Variants in HOGA1 observed in about 807,000 individuals in gnomAD.
HOGA1 encodes the protein 4-hydroxy-2-oxoglutarate aldolase 1, also known as 4-hydroxy-2-oxoglutarate aldolase, mitochondrial.
A neutral mutation model predicts 34.3 loss-of-function variants in HOGA1; 30 were observed. The ratio of observed to expected loss-of-function variants is 0.87; its 90% CI spans 0.65 to 1.19. HOGA1 has a LOEUF of 1.19. Among genes scored for constraint, HOGA1 ranks in the 50% most tolerant of loss-of-function variants. HOGA1 has a pLI of 0.00. For synonymous variants in HOGA1, 161 were observed against 174.0 expected (o/e 0.93, Z 0.59); for missense variants, 417 against 436.5 (o/e 0.96, Z 0.40).
intron 6 of HOGA1, among the ~76,000 whole-genome samples, chr10:97,607,110 A>AAC (rs2041163434): frequency 6.6e-6 from 1 of 150,984 alleles, no homozygotes; most frequent in South Asian, 2.1e-4. Flanking sequence ...TCTCTTAAAA[A>AAC]AAAAAAAAAA....
intron 4 of HOGA1, 29 bp downstream of exon 4, chr10:97,599,843 T>A (rs1318530399): frequency 1.2e-6 from 2 of 1,613,852 alleles, no homozygotes; most frequent in South Asian, 2.2e-5. Context: ...GGGGCTGGGG[T>A]CCTCTCCTCC....
intron 1 of HOGA1, among the ~76,000 whole-genome samples, chr10:97,587,244 A>G (rs1270589263): frequency 6.6e-6 from 1 of 152,006 alleles, no homozygotes; most frequent in Non-Finnish European, 1.5e-5. Flanking sequence ...CTGAGGAGGG[A>G]ACGTATCACA....
intron 6 of HOGA1, 93 bp downstream of exon 6, chr10:97,602,083 T>A (rs2041123927): frequency 6.4e-7 from 1 of 1,551,808 alleles, no homozygotes; most frequent in East Asian, 2.4e-5. Flanking sequence ...CAGGCCCCAC[T>A]CAGTCTCTTC....
rs776161817 is a variant in HOGA1, at chr10:97,611,627, C to T, written c.952C>T (p.Arg318Cys). Residue 318 changes from arginine (R) to cysteine (C), a missense_variant, in exon 7 of 7, where the codon CGC becomes TGC. By Grantham distance (180) the Arg-to-Cys change is radical (BLOSUM62 -3). Transcript: ENST00000370646. ...ELSPAEEEAL[R>C]MDFTSNGWL ...GAGCCCCGCTGAGGAGGAGGCACTG[C>T]GCATGGATTTCACCAGCAACGGCTG... 36 of 1,613,918 alleles carry T rather than the reference C, an allele frequency of 2.2e-5. No individual in the cohort carries two copies. Among genetic ancestry groups the T allele is most frequent in the Middle Eastern group, 1.6e-4 (1 of 6,084 alleles).
At chr10:97,589,925 AGAAAG>A in intron 1 of HOGA1, 1 of 1,613,678 alleles carries the variant, frequency 6.2e-7, no homozygotes, top group Non-Finnish European at 8.5e-7. Flanking sequence ...AAAGAGGAGA[AGAAAG>A]GAAACCTCTG....
chr10:97,609,927 T>C (rs2041183239), intron 6 of HOGA1, among the ~76,000 whole-genome samples: 1 of 152,152 alleles, frequency 6.6e-6, no homozygotes, highest in Non-Finnish European at 1.5e-5. Context: ...GGGACTCTAG[T>C]GGTAAAGTTA....
chr10:97,589,778 A>T (rs2041002767), intron 1 of HOGA1: 1 of 739,312 alleles, frequency 1.4e-6, no homozygotes, highest in East Asian at 2.5e-5. Flanking sequence ...GAGATCACCC[A>T]GCGTGCTCTT....
At position 97,611,881 on chromosome 10, in the gene HOGA1, G is replaced by A; in HGVS notation, c.*222G>A. ...CTCTCCCTTTTGGATCCTAAACTGT[G>A]TCTCTGGTCTGAAGACTGGGAAGGA... On this transcript the variant is annotated 3_prime_UTR_variant, in exon 7 of 7. Coordinates refer to ENST00000370646, the MANE Select transcript of HOGA1 (RefSeq NM_138413.4). 1.7e-6 allele frequency: 1 copy of A among 582,980 alleles called. No homozygotes were observed. Among genetic ancestry groups the A allele is most frequent in the Non-Finnish European group, 3.0e-6 (1 of 328,038 alleles). 36.1% of individuals were successfully genotyped at this position (582,980 alleles called of 1,614,324 possible).
At position 97,584,401 on chromosome 10, in the gene HOGA1, A is replaced by G; in HGVS notation, c.-303A>G. 3.1e-6 allele frequency: 1 copy of G among 324,650 alleles called. No individual in the cohort carries two copies. The highest frequency in any genetic ancestry group is 5.6e-6 in the Non-Finnish European group (1 of 178,174). The allele number at this position is 324,650 out of a possible 1,614,324, so 20.1% of individuals were successfully genotyped here. ...GGGAGGAGGGCCCAGATCCCACTGG[A>G]GATACCGAAGGAGATACTCTTTAGT... On this transcript the variant is annotated 5_prime_UTR_variant, in exon 1 of 7. Coordinates refer to ENST00000370646, the MANE Select transcript of HOGA1 (RefSeq NM_138413.4).
intron 6 of HOGA1, among the ~76,000 whole-genome samples, chr10:97,608,400 C>T (rs900607666): frequency 6.6e-6 from 1 of 152,084 alleles, no homozygotes; most frequent in East Asian, 1.9e-4. Context: ...ATGCATGAGC[C>T]TTCTATATGG....
At chr10:97,610,791 C>T (rs1424118889) in intron 6 of HOGA1, among the ~76,000 whole-genome samples, 1 of 151,246 alleles carries the variant, frequency 6.6e-6, no homozygotes, top group African/African-American at 2.4e-5. Context: ...CAGAGCAAGA[C>T]TGTCTCAAAA....
intron 1 of HOGA1, among the ~76,000 whole-genome samples, chr10:97,589,080 C>T (rs539089469): frequency 5.9e-4 from 90 of 152,202 alleles, no homozygotes; most frequent in Non-Finnish European, 1.1e-3. Flanking sequence ...GCTACCATCC[C>T]GGAGTGGCCC....
In HOGA1 at chr10:97,603,064, C is replaced by T. The variant is rs769339998; in HGVS notation, c.834+1074C>T. 6.6e-6 allele frequency among the ~76,000 whole-genome samples: 1 copy of T among 152,086 alleles called. No homozygotes were observed. Among genetic ancestry groups the T allele is most frequent in the African/African-American group, 2.4e-5 (1 of 41,414 alleles). On this transcript the variant is annotated intron_variant, in intron 6 of 6. Coordinates refer to ENST00000370646, the MANE Select transcript of HOGA1 (RefSeq NM_138413.4). The surrounding 1 kb of genome is among the most constrained non-coding windows in gnomAD (Gnocchi z 4.5). ...TTTCCCAGGCTGGAGTGCAGTGGCA[C>T]AATCTTGGCCCACTGCAACCTCCGC...
chr10:97,590,919 G>A, intron 1 of HOGA1: 1 of 286,592 alleles, frequency 3.5e-6, no homozygotes, highest in Non-Finnish European at 6.9e-6. Flanking sequence ...AGCCAATAAA[G>A]CTTTGTGTGC....
At position 97,611,826 on chromosome 10, in the gene HOGA1, T is replaced by C. The variant is rs993418652; in HGVS notation, c.*167T>C. 9 of 712,948 alleles carry C rather than the reference T, an allele frequency of 1.3e-5. No individual in the cohort carries two copies. In the African/African-American group the frequency reaches 1.6e-4, roughly 13 times the overall value. 44.2% of individuals were successfully genotyped at this position (712,948 alleles called of 1,614,324 possible). A position where few individuals can be genotyped will look rare whatever the true frequency, so the allele number is the denominator to read the frequency against. The stretch of plus-strand genomic sequence containing the variant: ...AGGCAGCCTTTCACAGGCACGCCCA[T>C]GCATATCTCCTATTCTAACGGCCCC... On this transcript the variant is annotated 3_prime_UTR_variant, in exon 7 of 7. Transcript: ENST00000370646.
At chr10:97,601,035 C>T (rs1010931) in intron 5 of HOGA1, 49,796 of 152,154 alleles carry the variant, frequency 0.33, 9,094 homozygotes, top group Middle Eastern at 0.44. Context: ...GGGCAAAGCA[C>T]TCACCTCTCT....
At chr10:97,598,193 G>T (rs1157302629) in intron 1 of HOGA1, among the ~76,000 whole-genome samples, 1 of 152,198 alleles carries the variant, frequency 6.6e-6, no homozygotes, top group Non-Finnish European at 1.5e-5. Context: ...CAGCCATGCT[G>T]CCCTGCCTGG....
rs143018385 is a variant in HOGA1, at chr10:97,601,842, TCTTA to T, written c.701-11_701-8del. 3.1e-6 allele frequency: 5 copies of T among 1,611,972 alleles called. No homozygotes were observed. The highest frequency in any genetic ancestry group is 1.3e-5 in the African/African-American group (1 of 74,826). On this transcript the variant is annotated splice_polypyrimidine_tract_variant and intron_variant, in intron 5 of 6. Coordinates refer to ENST00000370646, the MANE Select transcript of HOGA1 (RefSeq NM_138413.4). ...GAGAGGCTCTGGCTGATGTTCTGCG[TCTTA>T]CTTCGTGCAGGAGCTGTGGGGGGCG...
chr10:97,595,660 AC>A (rs2041064029), intron 1 of HOGA1, among the ~76,000 whole-genome samples: 1 of 152,210 alleles, frequency 6.6e-6, no homozygotes, highest in Non-Finnish European at 1.5e-5. Flanking sequence ...GCACCACTGC[AC>A]TCCAGCCTGG....
Sources: gnomAD v4.1 joint callset for allele counts (sites outside exome capture counted in the v4.1 genomes callset) on GRCh38, gnomAD v4.1.1 for gene constraint, Gnocchi (gnomAD v3.1) non-coding constraint, MANE v1.5 for transcripts, NCBI Gene and HGNC (gene_info 2026-07-23, HGNC 2026-07-21) for gene names.